Variants in JARID2 observed in about 807,000 individuals in gnomAD.
The protein encoded by JARID2 is jumonji and AT-rich interaction domain containing 2, also known as protein Jumonji.
JARID2 carries 21 observed loss-of-function variants against 125.6 expected under a neutral mutation model. The ratio of observed to expected loss-of-function variants is 0.17; its 90% CI spans 0.12 to 0.24. JARID2 has a LOEUF of 0.24. Ranked by LOEUF, JARID2 falls within the 10% of genes least tolerant of loss-of-function variation. The pLI is 1.00. For missense variants in JARID2, 1,303 were observed against 1,639.6 expected (o/e 0.79, Z 3.55); for synonymous variants, 736 against 661.6 (o/e 1.11, Z -1.73).
chr6:15,505,929 C>T (rs1770984300), intron 9 of JARID2, among the ~76,000 whole-genome samples: 1 of 152,206 alleles, frequency 6.6e-6, no homozygotes, highest in South Asian at 2.1e-4. Flanking sequence ...TGGGAAGAGG[C>T]CTTTATTGCC....
At chr6:15,458,549 A>G (rs1768297795) in intron 4 of JARID2, among the ~76,000 whole-genome samples, 1 of 152,224 alleles carries the variant, frequency 6.6e-6, no homozygotes, top group African/African-American at 2.4e-5. Context: ...GTTGCTAATT[A>G]ATTCAGCAAA....
At chr6:15,489,179 T>A (rs1770027015) in intron 6 of JARID2, among the ~76,000 whole-genome samples, 1 of 151,858 alleles carries the variant, frequency 6.6e-6, no homozygotes, top group Non-Finnish European at 1.5e-5. Context: ...AATCCTAGAG[T>A]AGGGTTAAGT....
At chr6:15,376,855 G>C (rs746979211) in intron 2 of JARID2, among the ~76,000 whole-genome samples, 8 of 152,128 alleles carry the variant, frequency 5.3e-5, no homozygotes. Flanking sequence ...AGGTGTTTTC[G>C]GAGCATGATC....
At chr6:15,441,702 C>G (rs1767452453) in intron 3 of JARID2, among the ~76,000 whole-genome samples, 1 of 152,154 alleles carries the variant, frequency 6.6e-6, no homozygotes, top group Non-Finnish European at 1.5e-5. Context: ...TACCGCACAA[C>G]TCCATCTGGT....
intron 1 of JARID2, among the ~76,000 whole-genome samples, chr6:15,260,122 A>G (rs1003680880): frequency 2.0e-5 from 3 of 152,220 alleles, no homozygotes; most frequent in African/African-American, 4.8e-5. Flanking sequence ...CCCAGTGATG[A>G]TTACATCTTC....
chr6:15,433,921 GGTGTGTGTGTGTGTGTGTGT>G lies in JARID2; in HGVS notation c.324-18054_324-18035del, dbSNP rs146025914. Among the ~76,000 whole-genome samples, 369 of 131,368 alleles carry G rather than the reference GGTGTGTGTGTGTGTGTGTGT, an allele frequency of 2.8e-3. 4 individuals carry two copies. The highest frequency in any genetic ancestry group is 0.011 in the Middle Eastern group (3 of 274). The allele number at this position is 131,368 out of a possible 152,430, so 86.2% of individuals were successfully genotyped here. A position where few individuals can be genotyped will look rare whatever the true frequency, so the allele number is the denominator to read the frequency against. On this transcript the variant is annotated intron_variant, in intron 3 of 17. Transcript: ENST00000341776. The stretch of plus-strand genomic sequence containing the variant: ...TTTTCCAGTAGCCCTCACTCTCCAG[GGTGTGTGTGTGTGTGTGTGT>G]GTGTGTGTGTGTGTGTGTGTGTGTG...
intron 1 of JARID2, among the ~76,000 whole-genome samples, chr6:15,300,728 A>T (rs150467861): frequency 0.1 from 11,221 of 112,400 alleles, 431 homozygotes; most frequent in Non-Finnish European, 0.13. Context: ...TGTGTGAGAG[A>T]GAGAGAGAGA....
chr6:15,300,006 C>T (rs897793126), intron 1 of JARID2, among the ~76,000 whole-genome samples: 2 of 152,138 alleles, frequency 1.3e-5, no homozygotes, highest in Non-Finnish European at 2.9e-5. Context: ...TCCCAACCTC[C>T]AAAAGGTTAT....
In JARID2 at chr6:15,480,433, C is replaced by T. The variant is rs372934525; in HGVS notation, c.671-6874C>T. Among the ~76,000 whole-genome samples the T allele has an allele frequency of 1.2e-4, 18 of 152,232 alleles. No homozygotes were observed. The East Asian group carries it at 3.1e-3, about 26-fold the overall frequency. On this transcript the variant is annotated intron_variant, in intron 5 of 17. Coordinates refer to ENST00000341776, the MANE Select transcript of JARID2 (RefSeq NM_004973.4). ...GCCAAGTAAGGACTCCTGTTTCATACACATCTAATAATCTAATAATACACA... is the reference window on the plus strand; with the variant it reads ...GCCAAGTAAGGACTCCTGTTTCATATACATCTAATAATCTAATAATACACA...
chr6:15,353,993 C>T (rs909850047), intron 1 of JARID2, among the ~76,000 whole-genome samples: 4 of 152,214 alleles, frequency 2.6e-5, no homozygotes, highest in Non-Finnish European at 5.9e-5. Flanking sequence ...CAGCACATCC[C>T]TGTATAGCCT....
At chr6:15,514,285 C>A (rs1417758030) in intron 16 of JARID2, among the ~76,000 whole-genome samples, 1 of 152,230 alleles carries the variant, frequency 6.6e-6, no homozygotes, top group Non-Finnish European at 1.5e-5. Flanking sequence ...CACAGCACTA[C>A]ACACCTTAGC....
At chr6:15,285,761 G>A (rs1004122964) in intron 1 of JARID2, among the ~76,000 whole-genome samples, 1 of 152,158 alleles carries the variant, frequency 6.6e-6, no homozygotes, top group African/African-American at 2.4e-5. Context: ...ATTGCATACA[G>A]TAAGTGTGAT....
intron 3 of JARID2, among the ~76,000 whole-genome samples, chr6:15,420,399 TAAAA>T (rs35773283): frequency 7.0e-6 from 1 of 143,386 alleles, no homozygotes. Flanking sequence ...CAAGACTCCA[TAAAA>T]AAAAAAAAAA....
At chr6:15,369,621 AC>A (rs1764093683) in intron 1 of JARID2, among the ~76,000 whole-genome samples, 1 of 152,220 alleles carries the variant, frequency 6.6e-6, no homozygotes. Context: ...GGATTTTCAG[AC>A]AGTGAGGTGC....
Position 15,261,467 on chromosome 6 carries a change from G to A in JARID2, c.45+14883G>A, listed in dbSNP as rs573294116. ...CAAGTGGCTGGGACTACAGGCGTGCGCCACGACACCCACCTAAATTTTGTG... is the reference window on the plus strand; with the variant it reads ...CAAGTGGCTGGGACTACAGGCGTGCACCACGACACCCACCTAAATTTTGTG... On this transcript the variant is annotated intron_variant, in intron 1 of 17. Coordinates refer to ENST00000341776, the MANE Select transcript of JARID2 (RefSeq NM_004973.4). Among the ~76,000 whole-genome samples, 19 of 152,014 alleles carry A rather than the reference G, an allele frequency of 1.2e-4. 1 individual carries two copies. The highest frequency in any genetic ancestry group is 4.1e-4 in the African/African-American group (17 of 41,492).
At chr6:15,316,232 G>T (rs553214218) in intron 1 of JARID2, among the ~76,000 whole-genome samples, 1 of 151,958 alleles carries the variant, frequency 6.6e-6, no homozygotes, top group South Asian at 2.1e-4. Context: ...CGATTCTCCT[G>T]CCTCAGCCTC....
At chr6:15,434,717 T>C (rs1767128565) in intron 3 of JARID2, among the ~76,000 whole-genome samples, 1 of 152,228 alleles carries the variant, frequency 6.6e-6, no homozygotes, top group African/African-American at 2.4e-5. Context: ...ATACCCTTCT[T>C]GATCTGCTGT....
At position 15,272,353 on chromosome 6, in the gene JARID2, CAA is replaced by C. The variant is rs139775057; in HGVS notation, c.45+25771_45+25772del. The stretch of plus-strand genomic sequence containing the variant: ...AGCTTCCATGTCTTGCTTTAGTAGA[CAA>C]AGAGCAGTGTCAGGAATTTCTGCGT... On this transcript the variant is annotated intron_variant, in intron 1 of 17. Transcript: ENST00000341776. Among the ~76,000 whole-genome samples the C allele has an allele frequency of 6.6e-3, 1,009 of 152,272 alleles. 9 individuals are homozygous for C. Among genetic ancestry groups the C allele is most frequent in the African/African-American group, 0.023 (954 of 41,562 alleles).
At chr6:15,329,858 C>G (rs1337531937) in intron 1 of JARID2, among the ~76,000 whole-genome samples, 1 of 152,150 alleles carries the variant, frequency 6.6e-6, no homozygotes, top group Non-Finnish European at 1.5e-5. Context: ...TGGGCAGTGA[C>G]TTTTGTTGTT....
Sources: gnomAD v4.1 joint callset for allele counts (sites outside exome capture counted in the v4.1 genomes callset) on GRCh38, gnomAD v4.1.1 for gene constraint, MANE v1.5 for transcripts, NCBI Gene and HGNC (gene_info 2026-07-23, HGNC 2026-07-21) for gene names.